The following GRXCR1 variants were observed in gnomAD, a reference collection of about 807,000 sequenced individuals.
GRXCR1 encodes the protein glutaredoxin domain-containing cysteine-rich protein 1.
Under a neutral mutation model 27.3 loss-of-function variants are expected in GRXCR1, and 27 were observed. The ratio of observed to expected loss-of-function variants is 0.99; its 90% CI spans 0.73 to 1.37. The LOEUF (loss-of-function observed/expected upper bound fraction) is 1.37. Among genes scored for constraint, GRXCR1 ranks in the 40% most tolerant of loss-of-function variants. The probability of loss-of-function intolerance (pLI) is 0.00; values close to 1 mark genes in which losing one functional copy is unlikely to be tolerated. For missense variants in GRXCR1, 379 were observed against 354.4 expected, an observed-to-expected ratio of 1.07 and a Z score of -0.56; for synonymous variants, 122 against 131.1, an observed-to-expected ratio of 0.93 and a Z score of 0.47.
chr4:42,984,088 A>T (rs1054944700), intron 2 of GRXCR1, among the ~76,000 whole-genome samples: 11 of 152,204 alleles, frequency 7.2e-5, no homozygotes, highest in Admixed American at 4.6e-4. Context: ...CTCCTGTCTC[A>T]GTCTCCCAAA....
In GRXCR1 at chr4:43,020,377, G is replaced by T. The variant is rs1713055783; in HGVS notation, c.651G>T (p.Met217Ile). The change falls in exon 3 of 4, where the codon ATG becomes ATT. Residue 217 changes from methionine (M) to isoleucine (I), a missense_variant. By Grantham distance (10) the Met-to-Ile change is conservative. Coordinates refer to ENST00000399770, the MANE Select transcript of GRXCR1 (RefSeq NM_001080476.3). ...YLGGAEKILS[M>I]NESGELQDIL... The stretch of plus-strand genomic sequence containing the variant: ...AGGGTGCTGAGAAAATTTTGTCAAT[G>T]AATGAATCAGGAGAACTGCAAGACA... 6.2e-7 allele frequency: 1 copy of T among 1,612,104 alleles called. No homozygotes were observed. The highest frequency in any genetic ancestry group is 8.5e-7 in the Non-Finnish European group (1 of 1,178,298).
chr4:42,926,640 T>C (rs1214805588), intron 1 of GRXCR1, among the ~76,000 whole-genome samples: 1 of 152,124 alleles, frequency 6.6e-6, no homozygotes, highest in African/African-American at 2.4e-5. Context: ...TGTTTTTTTT[T>C]TGTGAAATTG....
intron 2 of GRXCR1, among the ~76,000 whole-genome samples, chr4:42,979,271 A>T (rs908314438): frequency 6.6e-6 from 1 of 152,188 alleles, no homozygotes; most frequent in African/African-American, 2.4e-5. Context: ...TAGATCTTAG[A>T]GGGACAGCCT....
At chr4:42,909,829 T>C (rs1746678685) in intron 1 of GRXCR1, among the ~76,000 whole-genome samples, 1 of 152,144 alleles carries the variant, frequency 6.6e-6, no homozygotes, top group Admixed American at 6.6e-5. Context: ...ATCTGGTGTA[T>C]TAGCCTGAGT....
intron 2 of GRXCR1, among the ~76,000 whole-genome samples, chr4:42,990,401 C>T (rs986999971): frequency 5.3e-5 from 8 of 151,132 alleles, no homozygotes; most frequent in Non-Finnish European, 8.9e-5. Context: ...CCGTTTTAGC[C>T]GGGATGGTCT....
chr4:42,982,782 T>G (rs1455421854), intron 2 of GRXCR1, among the ~76,000 whole-genome samples: 4 of 150,412 alleles, frequency 2.7e-5, no homozygotes, highest in Admixed American at 1.3e-4. Context: ...ATTGTGGTTT[T>G]GATTTGCATT....
intron 1 of GRXCR1, among the ~76,000 whole-genome samples, chr4:42,951,790 A>AT (rs1747890046): frequency 6.6e-6 from 1 of 152,052 alleles, no homozygotes; most frequent in African/African-American, 2.4e-5. Context: ...TTGTTTCTTG[A>AT]TTTTTTAATA....
At chr4:43,029,781 T>G (rs923246265) in intron 3 of GRXCR1, among the ~76,000 whole-genome samples, 1 of 152,170 alleles carries the variant, frequency 6.6e-6, no homozygotes, top group Non-Finnish European at 1.5e-5. Context: ...CTGAAAAAGG[T>G]GTTTGTATGT....
intron 1 of GRXCR1, among the ~76,000 whole-genome samples, chr4:42,915,732 C>T (rs1205379532): frequency 6.6e-6 from 1 of 152,120 alleles, no homozygotes; most frequent in Non-Finnish European, 1.5e-5. Context: ...AGTCCCATTT[C>T]AAGCAGTGAT....
At chr4:42,924,412 G>A (rs183605852) in intron 1 of GRXCR1, among the ~76,000 whole-genome samples, 25 of 152,088 alleles carry the variant, frequency 1.6e-4, no homozygotes, top group Non-Finnish European at 2.9e-4. Context: ...CTGCAGGAGA[G>A]GCAAAATTAA....
At chr4:42,959,456 T>C (rs1394407291) in intron 1 of GRXCR1, among the ~76,000 whole-genome samples, 1 of 151,634 alleles carries the variant, frequency 6.6e-6, no homozygotes, top group African/African-American at 2.4e-5. Context: ...GGGGATATAA[T>C]AGGGAGATGT....
At chr4:42,932,590 ATATATATATAT>A (rs1560654148) in intron 1 of GRXCR1, among the ~76,000 whole-genome samples, 1 of 42,162 alleles carries the variant, frequency 2.4e-5, no homozygotes, top group Non-Finnish European at 4.5e-5. Context: ...ATATATATAT[ATATATATATAT>A]ATATATATAT....
chr4:42,979,073 AC>A, intron 2 of GRXCR1, among the ~76,000 whole-genome samples: 1 of 150,346 alleles, frequency 6.7e-6, no homozygotes, highest in African/African-American at 2.5e-5. Flanking sequence ...AGTCAATCAA[AC>A]CTCTCTCTCC....
rs1490480407 is a variant in GRXCR1 at position 42,939,788 on chromosome 4, TC to T, written c.385-23103del. ...CCATTATATTATGATTACATCTCTGTCTTTTGATGAGTCTGGGTCTCTGCAT... is the reference window on the plus strand; with the variant it reads ...CCATTATATTATGATTACATCTCTGTTTTTGATGAGTCTGGGTCTCTGCAT... On this transcript the variant is annotated intron_variant, in intron 1 of 3. Coordinates refer to ENST00000399770, the MANE Select transcript of GRXCR1 (RefSeq NM_001080476.3). Among the ~76,000 whole-genome samples, 4 of 152,048 alleles carry T rather than the reference TC, an allele frequency of 2.6e-5. No homozygotes were observed. The East Asian group carries it at 7.8e-4, about 30-fold the overall frequency.
chr4:42,893,560 C>T lies in GRXCR1; in HGVS notation c.294C>T (p.Asn98=), dbSNP rs1418789614. The change falls in exon 1 of 4, where the codon AAC becomes AAT. Residue 98 remains asparagine, a synonymous_variant. Transcript: ENST00000399770. ...AGGGTTTTGGTACAAGAAGAGTCAA[C>T]ATTTTAAGCAAAAATGGCACAGTCA... ...SEKGFGTRRV[N]ILSKNGTVRG... The T allele has an allele frequency of 1.2e-6, 2 of 1,613,834 alleles. No homozygotes were observed.
intron 2 of GRXCR1, among the ~76,000 whole-genome samples, chr4:43,014,736 T>C (rs1712877534): frequency 6.6e-6 from 1 of 152,204 alleles, no homozygotes; most frequent in South Asian, 2.1e-4. Context: ...CCTTGGCTTG[T>C]TTTTCTATTT....
At chr4:42,969,988 A>T (rs1043494636) in intron 2 of GRXCR1, among the ~76,000 whole-genome samples, 1 of 152,164 alleles carries the variant, frequency 6.6e-6, no homozygotes, top group Non-Finnish European at 1.5e-5. Context: ...CCATTCAAAA[A>T]GGGAAAATTG....
chr4:42,911,998 C>T (rs77025736), intron 1 of GRXCR1, among the ~76,000 whole-genome samples: 2,558 of 152,102 alleles, frequency 0.017, 72 homozygotes, highest in African/African-American at 0.058. Context: ...GTTCTGAGTT[C>T]TTAGTGAGGA....
At chr4:43,011,487 T>A (rs1712749005) in intron 2 of GRXCR1, among the ~76,000 whole-genome samples, 2 of 152,178 alleles carry the variant, frequency 1.3e-5, no homozygotes, top group Non-Finnish European at 2.9e-5. Context: ...TACCGTACCT[T>A]CCCCATGACC....
Sources: gnomAD v4.1 joint callset for allele counts (sites outside exome capture counted in the v4.1 genomes callset) on GRCh38, gnomAD v4.1.1 for gene constraint, MANE v1.5 for transcripts, NCBI Gene and HGNC (gene_info 2026-07-23, HGNC 2026-07-21) for gene names.